C14orf39: variants seen among roughly 807,000 people sequenced by gnomAD.
C14orf39 encodes the protein protein SIX6OS1.
In C14orf39, 66 loss-of-function variants were observed where a neutral mutation model predicts 85.6. The ratio of observed to expected loss-of-function variants is 0.77; its 90% CI spans 0.63 to 0.95. The LOEUF (loss-of-function observed/expected upper bound fraction) is 0.95. Among genes scored for constraint, C14orf39 ranks in the 40% least tolerant of loss-of-function variants. The pLI, the probability that C14orf39 is intolerant of heterozygous loss-of-function variation, is 0.00. For missense variants in C14orf39, 735 were observed against 663.9 expected (o/e 1.11, Z -1.18); for synonymous variants, 242 against 214.0 (o/e 1.13, Z -1.14).
chr14:60,478,795 C>T (rs1208057713), intron 4 of C14orf39, among the ~76,000 whole-genome samples: 3 of 151,912 alleles, frequency 2.0e-5, no homozygotes, highest in African/African-American at 7.3e-5. Context: ...AGAATAAGGG[C>T]TAAAGAGAGG....
intron 1 of C14orf39, among the ~76,000 whole-genome samples, chr14:60,510,467 C>T (rs1478984934): frequency 1.3e-5 from 2 of 152,212 alleles, no homozygotes; most frequent in African/African-American, 2.4e-5. Flanking sequence ...GAGTTTTCCT[C>T]TTCCCATGCG....
chr14:60,475,096 C>T (rs1217867738), intron 5 of C14orf39, among the ~76,000 whole-genome samples: 1 of 152,134 alleles, frequency 6.6e-6, no homozygotes, highest in Non-Finnish European at 1.5e-5. Context: ...TTGGTCTATT[C>T]AGAGATTCAA....
upstream of C14orf39, among the ~76,000 whole-genome samples, chr14:60,490,091 C>T (rs1424216242): frequency 6.6e-6 from 1 of 152,126 alleles, no homozygotes. Context: ...TCTCTTTCAG[C>T]CTCCTCTCCT....
At chr14:60,440,730 T>G (rs1890472087) in intron 17 of C14orf39, among the ~76,000 whole-genome samples, 2 of 152,204 alleles carry the variant, frequency 1.3e-5, no homozygotes, top group South Asian at 4.1e-4. Flanking sequence ...AGGTCCCACA[T>G]GATTTGCTCT....
rs555980224 is a variant in C14orf39, at chr14:60,514,247, C to G, written c.-144+1148G>C. Among the ~76,000 whole-genome samples the G allele has an allele frequency of 1.9e-3, 292 of 152,190 alleles. 1 individual carries two copies. Among genetic ancestry groups the G allele is most frequent in the Admixed American group, 3.3e-3 (51 of 15,298 alleles). On this transcript the variant is annotated intron_variant, in intron 1 of 5. Transcript: ENST00000556799. ...TCAGGGTTTTGGGGGGAAAAAAAGTCCAGGTAATGGCAAGGCTGAAGGTTT... is the reference window on the plus strand; with the variant it reads ...TCAGGGTTTTGGGGGGAAAAAAAGTGCAGGTAATGGCAAGGCTGAAGGTTT...
chr14:60,489,583 A>C (rs1455035731), upstream of C14orf39, among the ~76,000 whole-genome samples: 1 of 152,184 alleles, frequency 6.6e-6, no homozygotes, highest in Non-Finnish European at 1.5e-5. Context: ...GTTCTGTTAC[A>C]ATAGTGGAAC....
At chr14:60,446,602 C>T (rs1249522958) in intron 16 of C14orf39, among the ~76,000 whole-genome samples, 2 of 152,132 alleles carry the variant, frequency 1.3e-5, no homozygotes, top group South Asian at 2.1e-4. Flanking sequence ...GGAATCACAA[C>T]CAAATTCTAC....
At chr14:60,478,523 GA>G (rs1227778590) in intron 4 of C14orf39, 134 bp from the exon 5 acceptor site, 7 of 473,970 alleles carry the variant, frequency 1.5e-5, no homozygotes, top group Non-Finnish European at 2.6e-5. Flanking sequence ...CTTACATCAA[GA>G]AAAGTATTTC....
rs71435509 is a variant in C14orf39 at position 60,482,879 on chromosome 14, G to GGGGTGTGTGT, written c.233+811_233+812insACACACACCC. ...AAAAGGAAATACAGCTATATAGACA[G>GGGGTGTGTGT]GTGTGTGTGTGTGTGTGTGTGTGTG... On this transcript the variant is annotated intron_variant, in intron 4 of 17. Coordinates refer to ENST00000321731, the MANE Select transcript of C14orf39 (RefSeq NM_174978.3). Among the ~76,000 whole-genome samples, 4 of 146,644 alleles carry GGGGTGTGTGT rather than the reference G, an allele frequency of 2.7e-5. No homozygotes were observed. The South Asian group carries it at 6.6e-4, about 24-fold the overall frequency.
chr14:60,490,024 TAAAAC>T (rs2140173985), upstream of C14orf39, among the ~76,000 whole-genome samples: 2 of 152,330 alleles, frequency 1.3e-5, no homozygotes, highest in East Asian at 3.9e-4. Flanking sequence ...TTTTCCTTCT[TAAAAC>T]ACCGCAGTAG....
Position 60,465,970 on chromosome 14 carries a change from G to C in C14orf39, c.972+9C>G, listed in dbSNP as rs757674429. On this transcript the variant is annotated intron_variant, in intron 11 of 17. Coordinates refer to ENST00000321731, the MANE Select transcript of C14orf39 (RefSeq NM_174978.3). ...ATTTAATTTATACTACTAAAAGTGAGACACCTACCTGTGTATCATTTTCTT... is the reference window on the plus strand; with the variant it reads ...ATTTAATTTATACTACTAAAAGTGACACACCTACCTGTGTATCATTTTCTT... 6.7e-7 allele frequency: 1 copy of C among 1,499,834 alleles called. No homozygotes were observed. The highest frequency in any genetic ancestry group is 9.0e-7 in the Non-Finnish European group (1 of 1,114,174). The allele number at this position is 1,499,834 out of a possible 1,614,324, so 92.9% of individuals were successfully genotyped here. A position where few individuals can be genotyped will look rare whatever the true frequency, so the allele number is the denominator to read the frequency against.
intron 11 of C14orf39, among the ~76,000 whole-genome samples, chr14:60,465,721 A>T (rs1891751754): frequency 6.6e-6 from 1 of 151,948 alleles, no homozygotes; most frequent in African/African-American, 2.4e-5. Flanking sequence ...TTGGTATTTG[A>T]AAATATCTTT....
Position 60,478,336 on chromosome 14 carries a change from TG to T in C14orf39, c.286del (p.Gln96AsnfsTer27). 1 of 1,580,616 alleles carries T rather than the reference TG, an allele frequency of 6.3e-7. No individual in the cohort carries two copies. The highest frequency in any genetic ancestry group is 1.9e-5 in the Admixed American group (1 of 53,212). ...FRKHEDYMQD[Q>X]FTVYQGTVEK... Reference sequence around the variant, plus strand: ...AACAGTTCCTTGATAAACAGTAAATTGGTCCTGCATATAATCTTCATGTTTA... The same window carrying T: ...AACAGTTCCTTGATAAACAGTAAATTGTCCTGCATATAATCTTCATGTTTA... On this transcript the variant is annotated frameshift_variant, in exon 5 of 18. Coordinates refer to ENST00000321731, the MANE Select transcript of C14orf39 (RefSeq NM_174978.3). LOFTEE classifies it high-confidence loss of function.
intron 16 of C14orf39, among the ~76,000 whole-genome samples, chr14:60,452,117 G>A (rs1891065166): frequency 6.7e-6 from 1 of 150,320 alleles, no homozygotes; most frequent in African/African-American, 2.4e-5. Context: ...AACCTGGGAG[G>A]TGGAGGTTGC....
At chr14:60,510,104 A>G in intron 1 of C14orf39, 2 of 798,798 alleles carry the variant, frequency 2.5e-6, no homozygotes, top group Non-Finnish European at 4.2e-6. Context: ...TTGGGTTAAG[A>G]GCCCTGCGTT....
intron 2 of C14orf39, chr14:60,494,100 TACTGGTTCCAC>T: frequency 9.5e-6 from 3 of 316,624 alleles, no homozygotes; most frequent in Admixed American, 9.5e-5. Flanking sequence ...CATGCTGATG[TACTGGTTCCAC>T]ACGACAGGGT....
chr14:60,492,543 A>G (rs1893005727), intron 2 of C14orf39, among the ~76,000 whole-genome samples: 1 of 151,974 alleles, frequency 6.6e-6, no homozygotes, highest in Admixed American at 6.6e-5. Context: ...GGAGGCCAAC[A>G]CAAGTGGATT....
At chr14:60,509,251 G>C in intron 1 of C14orf39, 1 of 711,902 alleles carries the variant, frequency 1.4e-6, no homozygotes, top group East Asian at 2.7e-5. Context: ...GCTCCCGGCC[G>C]TTGAGCCACC....
At chr14:60,446,631 C>G (rs1027586693) in intron 16 of C14orf39, among the ~76,000 whole-genome samples, 2 of 152,164 alleles carry the variant, frequency 1.3e-5, no homozygotes, top group Admixed American at 6.5e-5. Context: ...CAAAGAGGAG[C>G]TGACACCATT....
Sources: allele counts gnomAD v4.1 joint callset (sites outside exome capture counted in the v4.1 genomes callset), GRCh38; gene constraint gnomAD v4.1.1; transcripts MANE v1.5; gene names NCBI Gene and HGNC (gene_info 2026-07-23, HGNC 2026-07-21).